NRXN1: variants seen among roughly 807,000 people sequenced by gnomAD.
The protein encoded by NRXN1 is neurexin 1, also known as neurexin-1.
Under a neutral mutation model 150.9 loss-of-function variants are expected in NRXN1, and 39 were observed. That is an observed-to-expected ratio of 0.26 (90% CI 0.20 to 0.34). The LOEUF is 0.34. NRXN1 is among the 10% of genes least tolerant of loss of function. The pLI is 1.00. For missense variants in NRXN1, 1,815 were observed against 1,949.9 expected (o/e 0.93, Z 1.30); for synonymous variants, 924 against 757.0 (o/e 1.22, Z -3.62).
At chr2:50,273,798 G>C (rs1363672878) in intron 17 of NRXN1, among the ~76,000 whole-genome samples, 2 of 152,104 alleles carry the variant, frequency 1.3e-5, no homozygotes, top group East Asian at 3.9e-4. Flanking sequence ...CTGCTTATTA[G>C]AGAAATGCAA....
chr2:50,512,678 T>C (rs1300913370), intron 12 of NRXN1, among the ~76,000 whole-genome samples: 1 of 152,180 alleles, frequency 6.6e-6, no homozygotes, highest in Non-Finnish European at 1.5e-5. Flanking sequence ...GGACCTAACA[T>C]GCATTACCTA....
At chr2:50,334,964 A>C (rs1313028696) in intron 17 of NRXN1, among the ~76,000 whole-genome samples, 1 of 152,130 alleles carries the variant, frequency 6.6e-6, no homozygotes, top group African/African-American at 2.4e-5. Flanking sequence ...TCACAGCTTA[A>C]AGGCTTTCTT....
chr2:50,291,888 A>G (rs1241350204), intron 17 of NRXN1, among the ~76,000 whole-genome samples: 2 of 152,160 alleles, frequency 1.3e-5, no homozygotes, highest in Non-Finnish European at 2.9e-5. Flanking sequence ...GCAGCCCTGT[A>G]AGGTTCTAAT....
At position 50,719,416 on chromosome 2, in the gene NRXN1, C is replaced by A. The variant is rs1696321431; in HGVS notation, c.833-95801G>T. On this transcript the variant is annotated intron_variant, in intron 5 of 22. Coordinates refer to ENST00000401669, the MANE Select transcript of NRXN1 (RefSeq NM_001330078.2). Reference sequence around the variant, plus strand: ...CGGCTGGGTGCGGTGGCTCATGGAACCTGTAATCCCAGCACTTTGGGAGGC... The same window carrying A: ...CGGCTGGGTGCGGTGGCTCATGGAAACTGTAATCCCAGCACTTTGGGAGGC... Among the ~76,000 whole-genome samples the A allele has an allele frequency of 2.0e-5, 3 of 151,840 alleles. No homozygotes were observed. The South Asian group carries it at 6.2e-4, about 32-fold the overall frequency.
chr2:50,283,289 CAA>C (rs2071702001), intron 17 of NRXN1, among the ~76,000 whole-genome samples: 1 of 152,066 alleles, frequency 6.6e-6, no homozygotes, highest in South Asian at 2.1e-4. Context: ...ACTAAAAAGA[CAA>C]TAATCTTTCT....
chr2:50,913,407 C>A (rs1161039896), intron 5 of NRXN1, among the ~76,000 whole-genome samples: 2 of 151,674 alleles, frequency 1.3e-5, no homozygotes, highest in East Asian at 1.9e-4. Flanking sequence ...TGTCTACAGA[C>A]TTTATAATGC....
chr2:50,927,132 A>G (rs1426751456), intron 2 of NRXN1, among the ~76,000 whole-genome samples: 1 of 152,030 alleles, frequency 6.6e-6, no homozygotes, highest in South Asian at 2.1e-4. Context: ...TCATCTGATC[A>G]GAGGTGTTTA....
intron 9 of NRXN1, among the ~76,000 whole-genome samples, chr2:50,546,684 T>A (rs960485520): frequency 1.3e-5 from 2 of 152,142 alleles, no homozygotes; most frequent in African/African-American, 4.8e-5. Context: ...TAAATAAATA[T>A]AAACATTTTA....
chr2:50,121,678 T>C (rs1405327114), intron 18 of NRXN1, among the ~76,000 whole-genome samples: 1 of 152,192 alleles, frequency 6.6e-6, no homozygotes, highest in Non-Finnish European at 1.5e-5. Context: ...TAGAGTAAGA[T>C]ACAAAACTGT....
chr2:50,009,586 G>T lies in NRXN1; in HGVS notation c.4128+43685C>A, dbSNP rs183168752. 3.0e-4 allele frequency among the ~76,000 whole-genome samples: 46 copies of T among 152,212 alleles called. No individual in the cohort carries two copies. The East Asian group carries it at 7.7e-3, about 26-fold the overall frequency. On this transcript the variant is annotated intron_variant, in intron 21 of 22. Transcript: ENST00000401669. ...TTCAAGATTTTTATGCCTGCATGGA[G>T]AAAATTGCTATTGTGTACAATTAGC... is the stretch of plus-strand genomic sequence containing the variant.
At chr2:50,067,231 C>G (rs999585132) in intron 19 of NRXN1, among the ~76,000 whole-genome samples, 1 of 152,148 alleles carries the variant, frequency 6.6e-6, no homozygotes, top group Admixed American at 6.5e-5. Flanking sequence ...GTCTAACTAG[C>G]TTAAGTAATT....
chr2:50,767,890 T>C (rs1423655090), intron 5 of NRXN1, among the ~76,000 whole-genome samples: 2 of 152,118 alleles, frequency 1.3e-5, no homozygotes, highest in Non-Finnish European at 2.9e-5. Context: ...GTTTGTTTCA[T>C]TATAAACTTG....
intron 17 of NRXN1, among the ~76,000 whole-genome samples, chr2:50,259,810 G>A (rs2068069624): frequency 6.6e-6 from 1 of 151,746 alleles, no homozygotes; most frequent in Admixed American, 6.6e-5. Context: ...TCATTTGCAT[G>A]TTTACTATTT....
At position 50,506,523 on chromosome 2, in the gene NRXN1, T is replaced by G; in HGVS notation, c.2469A>C (p.Leu823Phe). The G allele has an allele frequency of 6.2e-7, 1 of 1,613,076 alleles. No individual in the cohort carries two copies. Among genetic ancestry groups the G allele is most frequent in the South Asian group, 1.1e-5 (1 of 91,000 alleles). The change falls in exon 13 of 23, where the codon TTA (leucine) becomes TTC (phenylalanine). Residue 823 changes from leucine to phenylalanine, a missense_variant. Physicochemically the swap from Leu to Phe is conservative, Grantham distance 22. Coordinates refer to ENST00000401669, the MANE Select transcript of NRXN1 (RefSeq NM_001330078.2). Reference sequence around the variant, plus strand: ...TCATGGCCTGTTGGTCATCCACTGTTAACTTTAAACTTTTTCCACGCCGAA... The same window carrying G: ...TCATGGCCTGTTGGTCATCCACTGTGAACTTTAAACTTTTTCCACGCCGAA... ...RVVRRGKSLK[L>F]TVDDQQAMTG...
At chr2:50,838,835 G>A (rs775987404) in intron 5 of NRXN1, among the ~76,000 whole-genome samples, 10 of 152,052 alleles carry the variant, frequency 6.6e-5, no homozygotes, top group Non-Finnish European at 1.0e-4. Context: ...CTCCAGAACC[G>A]AGACAATAAA....
At chr2:50,066,840 T>A (rs1264351635) in intron 19 of NRXN1, among the ~76,000 whole-genome samples, 1 of 152,198 alleles carries the variant, frequency 6.6e-6, no homozygotes, top group Non-Finnish European at 1.5e-5. Flanking sequence ...AACTTCAATT[T>A]TATATTATTG....
At chr2:50,425,580 T>G (rs1277687365) in intron 17 of NRXN1, among the ~76,000 whole-genome samples, 1 of 152,216 alleles carries the variant, frequency 6.6e-6, no homozygotes, top group Non-Finnish European at 1.5e-5. Context: ...CATAATTATG[T>G]ACATCTTGAT....
At chr2:50,267,373 CAGA>C (rs1420775107) in intron 17 of NRXN1, among the ~76,000 whole-genome samples, 2 of 151,996 alleles carry the variant, frequency 1.3e-5, no homozygotes, top group Non-Finnish European at 2.9e-5. Flanking sequence ...ATGTAAAACT[CAGA>C]AGAAGAATAA....
At position 50,610,981 on chromosome 2, in the gene NRXN1, A is replaced by G. The variant is rs1573779603; in HGVS notation, c.1320+9041T>C. 4.0e-5 allele frequency among the ~76,000 whole-genome samples: 6 copies of G among 149,702 alleles called. No individual in the cohort carries two copies. The South Asian group carries it at 1.3e-3, about 32-fold the overall frequency. On this transcript the variant is annotated intron_variant, in intron 8 of 22. Transcript: ENST00000401669. The stretch of plus-strand genomic sequence containing the variant: ...GGCTGGTCTTGAACTCCTGATTTCA[A>G]GTCATCTACCTGACTTGGCCTCCTG...
Sources: allele counts gnomAD v4.1 joint callset (sites outside exome capture counted in the v4.1 genomes callset), GRCh38; gene constraint gnomAD v4.1.1; transcripts MANE v1.5; gene names NCBI Gene and HGNC (gene_info 2026-07-23, HGNC 2026-07-21).